The following HECW1 variants were observed in gnomAD, a reference collection of about 807,000 sequenced individuals.
The protein encoded by HECW1 is E3 ubiquitin-protein ligase HECW1.
A neutral mutation model predicts 182.3 loss-of-function variants in HECW1; 61 were observed. That is an observed-to-expected ratio of 0.33 (90% CI 0.27 to 0.41). HECW1 has a LOEUF of 0.41. Ranked by LOEUF, HECW1 falls within the 10% of genes least tolerant of loss-of-function variation. HECW1 has a pLI of 1.00. For missense variants in HECW1, 1,739 were observed against 2,108.9 expected, an observed-to-expected ratio of 0.82 and a Z score of 3.44; for synonymous variants, 859 against 832.6, an observed-to-expected ratio of 1.03 and a Z score of -0.55.
rs374730956 is a variant in HECW1, at chr7:43,552,290, G to A, written c.4464G>A (p.Ala1488=). 1.2e-5 allele frequency: 20 copies of A among 1,613,928 alleles called. No individual in the cohort carries two copies. The highest frequency in any genetic ancestry group is 5.3e-5 in the African/African-American group (4 of 74,904). The change falls in exon 28 of 30, where the codon GCG becomes GCA. Residue 1488 remains alanine (A), a synonymous_variant. Coordinates refer to ENST00000395891, the MANE Select transcript of HECW1 (RefSeq NM_015052.5). ...RELELVIAGT[A]EIDLNDWRNN... ...TGGAGCTGGTGATAGCTGGCACCGCGGAAATCGACCTAAATGACTGGCGGA... is the reference window on the plus strand; with the variant it reads ...TGGAGCTGGTGATAGCTGGCACCGCAGAAATCGACCTAAATGACTGGCGGA...
At chr7:43,131,145 A>G (rs1214094251) in intron 2 of HECW1, among the ~76,000 whole-genome samples, 1 of 152,178 alleles carries the variant, frequency 6.6e-6, no homozygotes, top group Non-Finnish European at 1.5e-5. Flanking sequence ...ACACGCGTGT[A>G]ATCCCAGCTA....
chr7:43,562,126 C>G lies in HECW1; in HGVS notation c.*200C>G. The G allele has an allele frequency of 1.8e-6, 1 of 553,102 alleles. No homozygotes were observed. Among genetic ancestry groups the G allele is most frequent in the East Asian group, 3.0e-5 (1 of 33,192 alleles). 34.3% of individuals were successfully genotyped at this position (553,102 alleles called of 1,614,324 possible). A position where few individuals can be genotyped will look rare whatever the true frequency, so the allele number is the denominator to read the frequency against. On this transcript the variant is annotated 3_prime_UTR_variant, in exon 30 of 30. Coordinates refer to ENST00000395891, the MANE Select transcript of HECW1 (RefSeq NM_015052.5). ...GATCTAACCTTCAGGCTTCTCTCCT[C>G]TGTTTTCAATGAACTGCTAGCCTGT...
rs556489386 is a variant in HECW1, at chr7:43,435,028, T to G, written c.802-2975T>G. Among the ~76,000 whole-genome samples, 11 of 152,180 alleles carry G rather than the reference T, an allele frequency of 7.2e-5. No individual in the cohort carries two copies. In the South Asian group the frequency reaches 2.3e-3, roughly 32 times the overall value. On this transcript the variant is annotated intron_variant, in intron 8 of 29. Transcript: ENST00000395891. ...GTAATTTTTTCCAGTCTTTTTCTAT[T>G]CATATAATTCATATTATTGTGATCA...
chr7:43,146,262 C>T (rs565957295), intron 2 of HECW1, among the ~76,000 whole-genome samples: 1 of 152,138 alleles, frequency 6.6e-6, no homozygotes, highest in South Asian at 2.1e-4. Context: ...TGGAGGCTGC[C>T]CTTTGCTTTG....
rs868566028 is a variant in HECW1, at chr7:43,442,530, G to A, written c.946G>A (p.Asp316Asn). Residue 316 changes from aspartate (D) to asparagine (N), a missense_variant and splice_region_variant, in exon 10 of 30, where the codon GAT becomes AAT. By Grantham distance (23) the Asp-to-Asn change is conservative. This residue lies in a region of HECW1 where 66 missense variants were observed against 113.8 expected (regional missense o/e 0.58). Coordinates refer to ENST00000395891, the MANE Select transcript of HECW1 (RefSeq NM_015052.5). The stretch of plus-strand genomic sequence containing the variant: ...GTGATGGTGCTTATTTCCTTCTAGG[G>A]ATAGGGTGGTCAGCTACACACTTGG... ...QRLLERHAIG[D>N]RVVSYTLGRR... is the part of the protein sequence containing the mutation. 6.2e-7 allele frequency: 1 copy of A among 1,608,814 alleles called. No individual in the cohort carries two copies. Among genetic ancestry groups the A allele is most frequent in the Non-Finnish European group, 8.5e-7 (1 of 1,175,440 alleles).
intron 24 of HECW1, among the ~76,000 whole-genome samples, chr7:43,523,311 G>A (rs10260214): frequency 0.49 from 74,436 of 151,988 alleles, 18,680 homozygotes; most frequent in African/African-American, 0.59. Flanking sequence ...GGCCTTGCTC[G>A]TATTTTTAAA....
intron 17 of HECW1, among the ~76,000 whole-genome samples, chr7:43,481,054 G>T (rs1024448740): frequency 1.3e-5 from 2 of 152,146 alleles, no homozygotes; most frequent in Non-Finnish European, 2.9e-5. Flanking sequence ...CTGAAAGCAT[G>T]CTAAATCTTT....
intron 6 of HECW1, among the ~76,000 whole-genome samples, chr7:43,385,640 T>C (rs939612265): frequency 1.3e-5 from 2 of 151,984 alleles, no homozygotes; most frequent in African/African-American, 4.8e-5. Flanking sequence ...AATTACACAG[T>C]TCATGGTTTC....
chr7:43,263,216 G>C (rs932158164), intron 3 of HECW1, among the ~76,000 whole-genome samples: 1 of 152,156 alleles, frequency 6.6e-6, no homozygotes, highest in African/African-American at 2.4e-5. Context: ...AAACTTCAAA[G>C]ATTTTTGCCT....
intron 14 of HECW1, among the ~76,000 whole-genome samples, chr7:43,466,098 G>A (rs2077766676): frequency 7.1e-6 from 1 of 141,240 alleles, no homozygotes; most frequent in South Asian, 2.3e-4. Flanking sequence ...GAAAGAGAAA[G>A]AAGGAAAGAA....
chr7:43,292,721 C>T (rs1805544788), intron 3 of HECW1, among the ~76,000 whole-genome samples: 1 of 152,182 alleles, frequency 6.6e-6, no homozygotes, highest in Non-Finnish European at 1.5e-5. Flanking sequence ...GGGCTCTTCT[C>T]TGAAGTTATG....
chr7:43,230,230 T>C (rs1797765270), intron 2 of HECW1, among the ~76,000 whole-genome samples: 1 of 152,088 alleles, frequency 6.6e-6, no homozygotes. Context: ...CCATCTCTAC[T>C]AAAAATACAA....
chr7:43,529,613 A>G (rs2080900660), intron 24 of HECW1, among the ~76,000 whole-genome samples: 1 of 152,162 alleles, frequency 6.6e-6, no homozygotes, highest in Non-Finnish European at 1.5e-5. Context: ...CTGAAATGGA[A>G]ACACTGAGGT....
At chr7:43,367,985 T>C (rs1816853087) in intron 6 of HECW1, among the ~76,000 whole-genome samples, 1 of 152,184 alleles carries the variant, frequency 6.6e-6, no homozygotes, top group African/African-American at 2.4e-5. Context: ...CATGCAACAC[T>C]CTGCCCCTCA....
At chr7:43,131,645 G>T (rs962278818) in intron 2 of HECW1, among the ~76,000 whole-genome samples, 15 of 152,316 alleles carry the variant, frequency 9.8e-5, no homozygotes, top group Non-Finnish European at 1.9e-4. Context: ...CAGGAAAGTT[G>T]TAACAACATA....
chr7:43,221,537 G>GTTTT (rs71008897), intron 2 of HECW1, among the ~76,000 whole-genome samples: 927 of 50,528 alleles, frequency 0.018, 321 homozygotes, highest in Admixed American at 0.025. Flanking sequence ...GAGGAATTAG[G>GTTTT]TTTTTTTTTT....
intron 6 of HECW1, among the ~76,000 whole-genome samples, chr7:43,378,800 T>C (rs2074426568): frequency 6.8e-6 from 1 of 147,962 alleles, no homozygotes. Flanking sequence ...AGTGAGACTG[T>C]CTCAAAAAAC....
chr7:43,495,624 G>A (rs1352378880), intron 19 of HECW1, among the ~76,000 whole-genome samples: 2 of 152,138 alleles, frequency 1.3e-5, no homozygotes. Flanking sequence ...TAGAGTGAAT[G>A]AAAGATCTTT....
chr7:43,474,179 G>A (rs895536397), intron 16 of HECW1, among the ~76,000 whole-genome samples: 5 of 152,210 alleles, frequency 3.3e-5, no homozygotes, highest in Non-Finnish European at 7.3e-5. Flanking sequence ...GCCAGGCGCG[G>A]TGGCTCACGC....
Sources: gnomAD v4.1 joint callset for allele counts (sites outside exome capture counted in the v4.1 genomes callset) on GRCh38, gnomAD v4.1.1 for gene constraint, gnomAD v4.1.1 regional missense constraint, MANE v1.5 for transcripts, NCBI Gene and HGNC (gene_info 2026-07-23, HGNC 2026-07-21) for gene names.